The following TRPC3 variants were observed in gnomAD, a reference collection of about 807,000 sequenced individuals.
TRPC3 encodes the protein transient receptor potential cation channel subfamily C member 3.
Under a neutral mutation model 90.9 loss-of-function variants are expected in TRPC3, and 54 were observed. That is an observed-to-expected ratio of 0.59 (90% CI 0.48 to 0.75). The LOEUF is 0.75. Ranked by LOEUF, TRPC3 falls within the 30% of genes least tolerant of loss-of-function variation. TRPC3 has a pLI of 0.00. For synonymous variants in TRPC3, 424 were observed against 450.9 expected (o/e 0.94, Z 0.75); for missense variants, 918 against 1,194.5 (o/e 0.77, Z 3.41).
rs750148504 is a variant in TRPC3, at chr4:121,911,837, C to T, written c.1558+40G>A. 25 of 1,531,118 alleles carry T rather than the reference C, an allele frequency of 1.6e-5. No homozygotes were observed. In the East Asian group the frequency reaches 2.3e-4, roughly 14 times the overall value. 94.8% of individuals were successfully genotyped at this position (1,531,118 alleles called of 1,614,324 possible). ...AAATGACAATTATTTCTATAATTAC[C>T]TTTTGGTAGAAATTAGGATATTTAA... On this transcript the variant is annotated intron_variant, in intron 5 of 11. Transcript: ENST00000379645.
chr4:121,944,798 AAATT>A (rs1422099653), intron 1 of TRPC3, among the ~76,000 whole-genome samples: 2 of 152,338 alleles, frequency 1.3e-5, no homozygotes, highest in East Asian at 3.9e-4. Flanking sequence ...TTTCATAAAT[AAATT>A]AATACTAATT....
At chr4:121,901,651 G>A (rs1428327815) in intron 9 of TRPC3, among the ~76,000 whole-genome samples, 1 of 152,184 alleles carries the variant, frequency 6.6e-6, no homozygotes, top group African/African-American at 2.4e-5. Context: ...GAATTTTGTA[G>A]ATCTCATGTA....
At chr4:121,950,707 C>A (rs951435242) in intron 1 of TRPC3, 3 of 152,288 alleles carry the variant, frequency 2.0e-5, no homozygotes, top group African/African-American at 7.2e-5. Flanking sequence ...AAAAAGAGAG[C>A]CCGCGCGCCG....
intron 10 of TRPC3, among the ~76,000 whole-genome samples, chr4:121,894,880 C>T (rs986903923): frequency 2.0e-5 from 3 of 151,902 alleles, no homozygotes; most frequent in South Asian, 2.1e-4. Context: ...TTAATCAGCA[C>T]GTGGTACATT....
At chr4:121,912,180 T>G in intron 4 of TRPC3, 87 bp from the exon 5 acceptor site, 1 of 1,137,608 alleles carries the variant, frequency 8.8e-7, no homozygotes, top group Non-Finnish European at 1.2e-6. Context: ...AAAAAATAGA[T>G]GAAAGGAGAA....
At chr4:121,910,884 T>C (rs1483271552) in intron 5 of TRPC3, among the ~76,000 whole-genome samples, 1 of 152,184 alleles carries the variant, frequency 6.6e-6, no homozygotes, top group Non-Finnish European at 1.5e-5. Flanking sequence ...TCTCTTCTCA[T>C]TTCCATGTCA....
chr4:121,947,811 A>G (rs1393026520), intron 1 of TRPC3, among the ~76,000 whole-genome samples: 1 of 152,206 alleles, frequency 6.6e-6, no homozygotes, highest in Non-Finnish European at 1.5e-5. Context: ...TTTTCTAGAA[A>G]TCTTTCTCTG....
In TRPC3 at chr4:121,876,436, T is replaced by C. The variant is rs1238195381; in HGVS notation, c.*3300A>G. On this transcript the variant is annotated 3_prime_UTR_variant, in exon 12 of 12. Transcript: ENST00000379645. ...AGCATAACCCTGTTTGCCTGAACCA[T>C]TTATGAAGACCAGAGAAGTTAAATG... 6.6e-6 allele frequency among the ~76,000 whole-genome samples: 1 copy of C among 152,148 alleles called. No homozygotes were observed. Among genetic ancestry groups the C allele is most frequent in the East Asian group, 1.9e-4 (1 of 5,194 alleles).
chr4:121,941,231 T>C (rs1483564142), intron 1 of TRPC3, among the ~76,000 whole-genome samples: 1 of 152,232 alleles, frequency 6.6e-6, no homozygotes, highest in Non-Finnish European at 1.5e-5. Flanking sequence ...TGAGCATTAT[T>C]ACGGAAGTCA....
At chr4:121,933,113 C>A in intron 1 of TRPC3, 71 bp from the exon 2 acceptor site, 1 of 1,489,946 alleles carries the variant, frequency 6.7e-7, no homozygotes, top group East Asian at 2.3e-5. Flanking sequence ...TGTCAGGGCC[C>A]TTTCTGGAAT....
rs1440600621 is a variant in TRPC3 at position 121,951,575 on chromosome 4, G to T, written c.106C>A (p.Arg36Ser). ...TTGACGCCCCTCCAGCCCCGGCGGC[G>T]GCGCTGCGGCTCCGCGCCCTCGTCC... ...GEDEGAEPQR[R>S]RRGWRGVNGG... Residue 36 changes from arginine (R) to serine (S), a missense_variant, in exon 1 of 12, where the codon CGC becomes AGC. By Grantham distance (110) the Arg-to-Ser change is moderately radical (BLOSUM62 -1). Around this residue, in one of 4 missense-constraint regions of TRPC3, gnomAD observed 609 missense variants for 725.9 expected, o/e 0.84. Coordinates refer to ENST00000379645, the MANE Select transcript of TRPC3 (RefSeq NM_001130698.2). The surrounding 1 kb of genome is among the most constrained non-coding windows in gnomAD (Gnocchi z 4.4). 1 of 1,448,368 alleles carries T rather than the reference G, an allele frequency of 6.9e-7. No homozygotes were observed. The highest frequency in any genetic ancestry group is 9.1e-7 in the Non-Finnish European group (1 of 1,096,468). The allele number at this position is 1,448,368 out of a possible 1,614,324, so 89.7% of individuals were successfully genotyped here.
At chr4:121,923,748 T>C (rs566982678) in intron 3 of TRPC3, among the ~76,000 whole-genome samples, 186 of 152,338 alleles carry the variant, frequency 1.2e-3, no homozygotes, top group African/African-American at 4.3e-3. Context: ...TGTCAGGACA[T>C]GAATCCTTAC....
In TRPC3 at chr4:121,904,523, G is replaced by GA; in HGVS notation, c.2058-7dup. The GA allele has an allele frequency of 1.3e-6, 2 of 1,527,108 alleles. No homozygotes were observed. The highest frequency in any genetic ancestry group is 1.8e-6 in the Non-Finnish European group (2 of 1,141,300). The allele number at this position is 1,527,108 out of a possible 1,614,324, so 94.6% of individuals were successfully genotyped here. A position where few individuals can be genotyped will look rare whatever the true frequency, so the allele number is the denominator to read the frequency against. ...TCTTGAAACTTTCTTCTACACTGTT[G>GA]AAAAAATAAGATACAAAGTAAGTAA... On this transcript the variant is annotated splice_region_variant and splice_polypyrimidine_tract_variant and intron_variant, in intron 7 of 11. Coordinates refer to ENST00000379645, the MANE Select transcript of TRPC3 (RefSeq NM_001130698.2).
intron 3 of TRPC3, among the ~76,000 whole-genome samples, chr4:121,918,865 G>A (rs1309406623): frequency 6.6e-6 from 1 of 152,148 alleles, no homozygotes; most frequent in Non-Finnish European, 1.5e-5. Flanking sequence ...ATCCCTTTAG[G>A]AGATGAGTTT....
intron 11 of TRPC3, among the ~76,000 whole-genome samples, chr4:121,881,399 C>T (rs569130189): frequency 1.3e-5 from 2 of 152,066 alleles, no homozygotes; most frequent in South Asian, 2.1e-4. Context: ...CCCTCTCCAC[C>T]CCCCATGGAG....
At chr4:121,931,509 A>T (rs1053801565) in intron 2 of TRPC3, among the ~76,000 whole-genome samples, 1 of 152,104 alleles carries the variant, frequency 6.6e-6, no homozygotes, top group African/African-American at 2.4e-5. Flanking sequence ...TTATACAAAT[A>T]AATAATACTG....
intron 1 of TRPC3, among the ~76,000 whole-genome samples, chr4:121,933,661 G>A (rs1730032797): frequency 6.6e-6 from 1 of 152,022 alleles, no homozygotes; most frequent in South Asian, 2.1e-4. Context: ...TGTGGCCCAA[G>A]CTAGAGTGCA....
At position 121,951,957 on chromosome 4, in the gene TRPC3, C is replaced by T. The variant is rs368268184; in HGVS notation, c.-277G>A. Among the ~76,000 whole-genome samples the T allele has an allele frequency of 6.6e-5, 10 of 151,984 alleles. No homozygotes were observed. The highest frequency in any genetic ancestry group is 2.4e-4 in the African/African-American group (10 of 41,454). ...AGGAAGCCCGGGGCCGAGCGGGGCT[C>T]TGGTGCTGGGAGAGGCTCTCCAGCC... On this transcript the variant is annotated 5_prime_UTR_variant, in exon 1 of 12. Coordinates refer to ENST00000379645, the MANE Select transcript of TRPC3 (RefSeq NM_001130698.2). This position sits in a 1 kb window ranked among gnomAD's most constrained non-coding sequence, Gnocchi z 4.4.
intron 3 of TRPC3, among the ~76,000 whole-genome samples, chr4:121,924,399 C>T (rs949722415): frequency 1.3e-5 from 2 of 152,170 alleles, no homozygotes; most frequent in African/African-American, 4.8e-5. Context: ...CCTCCTTGTA[C>T]ATGAGGGAAC....
Sources: allele counts gnomAD v4.1 joint callset (sites outside exome capture counted in the v4.1 genomes callset), GRCh38; gene constraint gnomAD v4.1.1; regional missense constraint gnomAD v4.1.1; non-coding constraint Gnocchi (gnomAD v3.1); transcripts MANE v1.5; gene names NCBI Gene and HGNC (gene_info 2026-07-23, HGNC 2026-07-21).